RBM47: variants seen among roughly 807,000 people sequenced by gnomAD.
RBM47 encodes RNA binding motif protein 47.
A neutral mutation model predicts 47.1 loss-of-function variants in RBM47; 21 were observed. The ratio of observed to expected loss-of-function variants is 0.45; its 90% CI spans 0.32 to 0.64. RBM47 has a LOEUF of 0.64. RBM47 is among the 30% of genes least tolerant of loss of function. RBM47 has a pLI of 0.05. For missense variants in RBM47, 708 were observed against 870.9 expected (o/e 0.81, Z 2.35); for synonymous variants, 375 against 361.7 (o/e 1.04, Z -0.42).
intron 3 of RBM47, among the ~76,000 whole-genome samples, chr4:40,441,976 G>A (rs544624950): frequency 6.6e-6 from 1 of 152,282 alleles, no homozygotes; most frequent in African/African-American, 2.4e-5. Flanking sequence ...TGGCCTCTAG[G>A]AAGTTCACGA....
chr4:40,528,890 C>A (rs1577890688), intron 2 of RBM47, among the ~76,000 whole-genome samples: 2 of 151,820 alleles, frequency 1.3e-5, no homozygotes, highest in African/African-American at 2.4e-5. Context: ...TTGCAGTGAG[C>A]CGAGATCCCG....
At chr4:40,563,147 C>A (rs1293560824) in intron 1 of RBM47, among the ~76,000 whole-genome samples, 1 of 152,052 alleles carries the variant, frequency 6.6e-6, no homozygotes, top group African/African-American at 2.4e-5. Flanking sequence ...GCCGAGATGG[C>A]GCCACTGCAC....
intron 1 of RBM47, among the ~76,000 whole-genome samples, chr4:40,603,032 A>AT (rs1164208296): frequency 3.3e-5 from 5 of 152,014 alleles, no homozygotes; most frequent in South Asian, 2.1e-4. Flanking sequence ...TTAAAAAAAA[A>AT]TTTTTTTTGA....
chr4:40,496,843 T>C (rs1456598772), intron 2 of RBM47, among the ~76,000 whole-genome samples: 3 of 151,806 alleles, frequency 2.0e-5, no homozygotes, highest in Non-Finnish European at 4.4e-5. Context: ...AGTTCGAGAC[T>C]AGCCTGACCA....
intron 6 of RBM47, among the ~76,000 whole-genome samples, chr4:40,430,318 A>G (rs911952742): frequency 3.3e-5 from 5 of 152,226 alleles, no homozygotes; most frequent in African/African-American, 1.2e-4. Flanking sequence ...GGACATGATT[A>G]TGGTGCCTGG....
chr4:40,479,058 T>C (rs1194995248), intron 2 of RBM47, among the ~76,000 whole-genome samples: 1 of 152,208 alleles, frequency 6.6e-6, no homozygotes, highest in East Asian at 1.9e-4. Context: ...ACTGTATTGG[T>C]GGTATCAGCA....
Position 40,601,735 on chromosome 4 carries a change from T to A in RBM47, c.-240+27661A>T, listed in dbSNP as rs79268134. ...TGCCACTCTTCCCGCACTGGCCTCC[T>A]TCCTCTGCTCTCTGTTCCTGGAAAC... is the stretch of plus-strand genomic sequence containing the variant. On this transcript the variant is annotated intron_variant, in intron 1 of 6. Coordinates refer to ENST00000295971, the MANE Select transcript of RBM47 (RefSeq NM_001098634.2). Among the ~76,000 whole-genome samples the A allele has an allele frequency of 0.012, 1,893 of 152,300 alleles. 87 individuals are homozygous for A. In the East Asian group the frequency reaches 0.14, roughly 12 times the overall value.
chr4:40,524,054 T>C (rs77559558), intron 2 of RBM47, among the ~76,000 whole-genome samples: 3,381 of 152,270 alleles, frequency 0.022, 136 homozygotes, highest in African/African-American at 0.077. Context: ...TTACAGCCAA[T>C]TGAGTGCCCT....
chr4:40,609,144 C>G (rs540456289), intron 1 of RBM47, among the ~76,000 whole-genome samples: 2 of 152,144 alleles, frequency 1.3e-5, no homozygotes, highest in East Asian at 3.9e-4. Flanking sequence ...AGGTGCCCAC[C>G]ACCACGTCCA....
chr4:40,504,113 A>G (rs1399206493), intron 2 of RBM47, among the ~76,000 whole-genome samples: 1 of 152,102 alleles, frequency 6.6e-6, no homozygotes, highest in Admixed American at 6.5e-5. Context: ...TCTATTTTGC[A>G]TTCTTTCTTT....
chr4:40,615,098 T>C (rs552698804), intron 1 of RBM47, among the ~76,000 whole-genome samples: 2 of 151,798 alleles, frequency 1.3e-5, no homozygotes, highest in African/African-American at 4.8e-5. Context: ...TGAACTCCAG[T>C]CTGAGCAACA....
chr4:40,600,661 G>A (rs1735182127), intron 1 of RBM47, among the ~76,000 whole-genome samples: 1 of 146,144 alleles, frequency 6.8e-6, no homozygotes, highest in African/African-American at 2.5e-5. Context: ...AGCAGAAGTA[G>A]GCTTTATAGA....
chr4:40,482,624 A>G (rs1357836862), intron 2 of RBM47, among the ~76,000 whole-genome samples: 1 of 152,206 alleles, frequency 6.6e-6, no homozygotes, highest in Non-Finnish European at 1.5e-5. Context: ...CAAAATATGT[A>G]TTCTCTGTAT....
chr4:40,519,041 A>AT (rs1725910537), intron 2 of RBM47, among the ~76,000 whole-genome samples: 1 of 148,208 alleles, frequency 6.7e-6, no homozygotes, highest in Non-Finnish European at 1.5e-5. Context: ...TAAAAAAAAA[A>AT]ATATAAAAAA....
intron 3 of RBM47, among the ~76,000 whole-genome samples, chr4:40,460,872 A>G (rs1419435950): frequency 7.9e-6 from 1 of 125,908 alleles, no homozygotes; most frequent in Non-Finnish European, 1.6e-5. Flanking sequence ...TGGGTGACAG[A>G]GTTAAGACTC....
intron 1 of RBM47, among the ~76,000 whole-genome samples, chr4:40,607,158 T>C (rs1735838375): frequency 6.6e-6 from 1 of 152,188 alleles, no homozygotes; most frequent in African/African-American, 2.4e-5. Context: ...CAATGGACTA[T>C]TATATTACTC....
intron 1 of RBM47, among the ~76,000 whole-genome samples, chr4:40,624,971 T>C (rs1474463317): frequency 7.1e-6 from 1 of 141,674 alleles, no homozygotes; most frequent in Non-Finnish European, 1.5e-5. Context: ...TGCCTCAGCC[T>C]CCCGAGTAGC....
chr4:40,541,263 CAAAAAA>C (rs113154815), intron 2 of RBM47, among the ~76,000 whole-genome samples: 2 of 110,858 alleles, frequency 1.8e-5, no homozygotes, highest in East Asian at 5.3e-4. Flanking sequence ...AAGATTCTCT[CAAAAAA>C]AAAAAAAAAA....
intron 1 of RBM47, among the ~76,000 whole-genome samples, chr4:40,572,296 T>C (rs1474359171): frequency 2.7e-5 from 4 of 150,370 alleles, no homozygotes; most frequent in Admixed American, 6.6e-5. Flanking sequence ...GGTAGGAGAA[T>C]TGCTTGAAGC....
Sources: gnomAD v4.1 joint callset for allele counts (sites outside exome capture counted in the v4.1 genomes callset) on GRCh38, gnomAD v4.1.1 for gene constraint, MANE v1.5 for transcripts, NCBI Gene and HGNC (gene_info 2026-07-23, HGNC 2026-07-21) for gene names.